CD4: variants seen among roughly 807,000 people sequenced by gnomAD.
The protein encoded by CD4 is CD4 molecule, also known as T-cell surface glycoprotein CD4.
CD4 carries 25 observed loss-of-function variants against 50.5 expected under a neutral mutation model. The observed-to-expected ratio is 0.49, with a 90% CI of 0.36 to 0.69. The LOEUF is 0.69. Among genes scored for constraint, CD4 ranks in the 30% least tolerant of loss-of-function variants. The probability of loss-of-function intolerance (pLI) is 0.00; values close to 1 mark genes in which losing one functional copy is unlikely to be tolerated. For missense variants in CD4, 456 were observed against 548.5 expected (o/e 0.83, Z 1.68); for synonymous variants, 207 against 221.9 (o/e 0.93, Z 0.60).
intron 1 of CD4, among the ~76,000 whole-genome samples, chr12:6,797,661 A>G (rs1224952458): frequency 6.6e-6 from 1 of 152,160 alleles, no homozygotes; most frequent in African/African-American, 2.4e-5. Context: ...GCAGAAAAAC[A>G]TATGAGCAAA....
chr12:6,814,104 G>A, intron 3 of CD4, 38 bp from the exon 4 acceptor site: 3 of 1,593,570 alleles, frequency 1.9e-6, no homozygotes, highest in Non-Finnish European at 2.6e-6. Flanking sequence ...CTGTCTCCAG[G>A]GCGCCTCAGT....
intron 3 of CD4, among the ~76,000 whole-genome samples, chr12:6,801,898 ACT>A (rs1942574169): frequency 7.1e-6 from 1 of 141,572 alleles, no homozygotes; most frequent in African/African-American, 2.7e-5. Flanking sequence ...TTTGAGGCAA[ACT>A]CTCGATCTGT....
rs28919568 is a variant in CD4 at position 6,816,156 on chromosome 12, C to T, written c.708C>T (p.Gly236=). 504 of 1,614,172 alleles carry T rather than the reference C, an allele frequency of 3.1e-4. 4 individuals carry two copies. The Middle Eastern group carries it at 3.6e-3, about 12-fold the overall frequency. Residue 236 remains glycine (G), a synonymous_variant, in exon 6 of 10, where the codon GGC becomes GGT. Transcript: ENST00000011653. This position sits in a 1 kb window ranked among gnomAD's most constrained non-coding sequence, Gnocchi z 4.9. ...CAGTTGAAAAGCTGACGGGCAGTGG[C>T]GAGCTGTGGTGGCAGGCGGAGAGGG... ...AFTVEKLTGS[G]ELWWQAERAS... is the part of the protein sequence containing the mutation.
intron 3 of CD4, among the ~76,000 whole-genome samples, chr12:6,804,359 A>T (rs1247138325): frequency 1.3e-5 from 2 of 152,174 alleles, no homozygotes; most frequent in Admixed American, 1.3e-4. Context: ...AAATGAAATA[A>T]AAGGAAAACT....
chr12:6,811,473 C>CT (rs57656378), intron 3 of CD4, among the ~76,000 whole-genome samples: 1 of 141,758 alleles, frequency 7.1e-6, no homozygotes, highest in Non-Finnish European at 1.5e-5. Context: ...TTTTTCTTTT[C>CT]TTTTTTCTTT....
chr12:6,804,690 T>C (rs1942671773), intron 3 of CD4, among the ~76,000 whole-genome samples: 1 of 152,014 alleles, frequency 6.6e-6, no homozygotes, highest in African/African-American at 2.4e-5. Context: ...CCGGGCAACA[T>C]AGTGAGACCT....
chr12:6,814,058 C>A, intron 3 of CD4, 84 bp from the exon 4 acceptor site: 1 of 1,199,808 alleles, frequency 8.3e-7, no homozygotes, highest in South Asian at 1.4e-5. Flanking sequence ...CAACTGATAT[C>A]AGAAGAGCCG....
In CD4 at chr12:6,792,435, T is replaced by C. The variant is rs1214515227; in HGVS notation, c.-68+2773T>C. On this transcript the variant is annotated intron_variant, in intron 1 of 9. Coordinates refer to ENST00000011653, the MANE Select transcript of CD4 (RefSeq NM_000616.5). The surrounding 1 kb of genome is among the most constrained non-coding windows in gnomAD (Gnocchi z 4.1). ...GTCTTGCTTCTCAGAATTTCTTCTT[T>C]TCCTCTTTTTTTGTACTACCCTGCG... 6.6e-6 allele frequency among the ~76,000 whole-genome samples: 1 copy of C among 152,048 alleles called. No homozygotes were observed. Among genetic ancestry groups the C allele is most frequent in the African/African-American group, 2.4e-5 (1 of 41,422 alleles).
chr12:6,815,281 C>T lies in CD4; in HGVS notation c.607+289C>T, dbSNP rs141677306. 2.0e-5 allele frequency among the ~76,000 whole-genome samples: 3 copies of T among 152,192 alleles called. No individual in the cohort carries two copies. In the East Asian group the frequency reaches 5.8e-4, roughly 29 times the overall value. Reference sequence around the variant, plus strand: ...TTTGGAGGCCCCAAAGGAGGAATGTCAGGGAGCTTACTTTCTTTGTTGCCT... The same window carrying T: ...TTTGGAGGCCCCAAAGGAGGAATGTTAGGGAGCTTACTTTCTTTGTTGCCT... On this transcript the variant is annotated intron_variant, in intron 5 of 9. Transcript: ENST00000011653.
chr12:6,795,536 T>C (rs1048380098), intron 1 of CD4, among the ~76,000 whole-genome samples: 5 of 152,234 alleles, frequency 3.3e-5, no homozygotes, highest in African/African-American at 1.2e-4. Context: ...CTCCCATGGT[T>C]CAAGAGATTG....
intron 3 of CD4, among the ~76,000 whole-genome samples, chr12:6,802,601 T>C (rs1343601525): frequency 1.3e-5 from 2 of 151,542 alleles, no homozygotes; most frequent in Non-Finnish European, 2.9e-5. Flanking sequence ...AGCCACTGCA[T>C]GTGGCCTATT....
At chr12:6,797,462 T>A (rs1039559671) in intron 1 of CD4, among the ~76,000 whole-genome samples, 4 of 152,098 alleles carry the variant, frequency 2.6e-5, no homozygotes, top group Non-Finnish European at 5.9e-5. Context: ...GACAAGAGAC[T>A]GAGAAAAGAA....
At position 6,800,391 on chromosome 12, in the gene CD4, A is replaced by G. The variant is rs374341894; in HGVS notation, c.134A>G (p.Gln45Arg). 1 of 1,614,134 alleles carries G rather than the reference A, an allele frequency of 6.2e-7. No individual in the cohort carries two copies. The highest frequency in any genetic ancestry group is 1.1e-5 in the South Asian group (1 of 91,088). Residue 45 changes from glutamine to arginine, a missense_variant, in exon 3 of 10, where the codon CAG (glutamine) becomes CGG (arginine). Coordinates refer to ENST00000011653, the MANE Select transcript of CD4 (RefSeq NM_000616.5). ...DTVELTCTAS[Q>R]KKSIQFHWKN... ...GTGGAACTGACCTGTACAGCTTCCC[A>G]GAAGAAGAGCATACAATTCCACTGG...
intron 5 of CD4, among the ~76,000 whole-genome samples, chr12:6,815,242 A>G (rs781882993): frequency 7.2e-5 from 11 of 152,206 alleles, no homozygotes; most frequent in African/African-American, 2.6e-4. Flanking sequence ...AGGATGCTAG[A>G]GGCCCGAGTC....
chr12:6,791,690 G>T (rs1432526585), intron 1 of CD4, among the ~76,000 whole-genome samples: 1 of 152,196 alleles, frequency 6.6e-6, no homozygotes, highest in Non-Finnish European at 1.5e-5. Context: ...AGACCAGCCT[G>T]GGCAACATGG....
rs1942085703 is a variant in CD4, at chr12:6,789,540, A to G, written c.-190A>G. ...TCGGGCTTCCTGTCTCTCTTCATTTAAGCACGACTCTGCAGAAGGAACAAA... is the reference window on the plus strand; with the variant it reads ...TCGGGCTTCCTGTCTCTCTTCATTTGAGCACGACTCTGCAGAAGGAACAAA... On this transcript the variant is annotated 5_prime_UTR_variant, in exon 1 of 10. Transcript: ENST00000011653. 1 of 152,224 alleles carries G rather than the reference A, an allele frequency of 6.6e-6. No homozygotes were observed. Among genetic ancestry groups the G allele is most frequent in the South Asian group, 2.1e-4 (1 of 4,834 alleles). The allele number at this position is 152,224 out of a possible 1,614,324, so 9.4% of individuals were successfully genotyped here. A position where few individuals can be genotyped will look rare whatever the true frequency, so the allele number is the denominator to read the frequency against.
rs1311679937 is a variant in CD4 at position 6,800,739 on chromosome 12, A to G, written c.214+268A>G. On this transcript the variant is annotated intron_variant, in intron 3 of 9. Transcript: ENST00000011653. ...CAATCACTATCACTTAAAACCCGTG[A>G]TTTCTTGAGTATTGTTGCTACAGAC... Among the ~76,000 whole-genome samples, 8 of 152,126 alleles carry G rather than the reference A, an allele frequency of 5.3e-5. No individual in the cohort carries two copies. The South Asian group carries it at 1.7e-3, about 32-fold the overall frequency.
At chr12:6,811,491 C>CTTTTT (rs11318741) in intron 3 of CD4, among the ~76,000 whole-genome samples, 209 of 111,008 alleles carry the variant, frequency 1.9e-3, no homozygotes, top group Non-Finnish European at 2.1e-3. Context: ...TTTTCTTTTT[C>CTTTTT]TTTTTTTTTT....
Position 6,818,783 on chromosome 12 carries a change from C to A in CD4, c.1279-64C>A. 2 of 1,468,530 alleles carry A rather than the reference C, an allele frequency of 1.4e-6. No individual in the cohort carries two copies. Among genetic ancestry groups the A allele is most frequent in the Non-Finnish European group, 9.5e-7 (1 of 1,047,554 alleles). The allele number at this position is 1,468,530 out of a possible 1,614,324, so 91.0% of individuals were successfully genotyped here. A position where few individuals can be genotyped will look rare whatever the true frequency, so the allele number is the denominator to read the frequency against. ...GTCGCAGCTTCCCCCACTCCCCCCA[C>A]CAAGGGGCACCTCCCTTCTGGAGGC... On this transcript the variant is annotated intron_variant, in intron 8 of 9. Coordinates refer to ENST00000011653, the MANE Select transcript of CD4 (RefSeq NM_000616.5). The surrounding 1 kb of genome is among the most constrained non-coding windows in gnomAD (Gnocchi z 5.0).
Sources: allele counts gnomAD v4.1 joint callset (sites outside exome capture counted in the v4.1 genomes callset), GRCh38; gene constraint gnomAD v4.1.1; non-coding constraint Gnocchi (gnomAD v3.1); transcripts MANE v1.5; gene names NCBI Gene and HGNC (gene_info 2026-07-23, HGNC 2026-07-21).